Variants in ANKRD22 observed in about 807,000 individuals in gnomAD.
ANKRD22 encodes ankyrin repeat domain 22.
ANKRD22 carries 24 observed loss-of-function variants against 25.7 expected under a neutral mutation model. The observed-to-expected ratio is 0.93, with a 90% CI of 0.68 to 1.31. The LOEUF (loss-of-function observed/expected upper bound fraction) is 1.31. Among genes scored for constraint, ANKRD22 ranks in the 50% most tolerant of loss-of-function variants. The pLI is 0.00. For missense variants in ANKRD22, 214 were observed against 227.1 expected (o/e 0.94, Z 0.37); for synonymous variants, 84 against 84.3 (o/e 1.00, Z 0.02).
chr10:88,828,486 G>C, intron 3 of ANKRD22, 73 bp downstream of exon 3: 3 of 1,127,760 alleles, frequency 2.7e-6, no homozygotes, highest in Non-Finnish European at 3.9e-6. Flanking sequence ...ACATCTCACT[G>C]GCCTGGCAAG....
chr10:88,834,114 T>G (rs1203160033), intron 1 of ANKRD22, among the ~76,000 whole-genome samples: 1 of 152,230 alleles, frequency 6.6e-6, no homozygotes, highest in Non-Finnish European at 1.5e-5. Flanking sequence ...AACACAATAG[T>G]GCTTAAATAA....
chr10:88,825,007 TCTCTCACACA>T (rs917183733), intron 4 of ANKRD22, among the ~76,000 whole-genome samples: 16 of 115,444 alleles, frequency 1.4e-4, no homozygotes, highest in Non-Finnish European at 2.3e-4. Flanking sequence ...TCTCTCTCTC[TCTCTCACACA>T]CACACACACA....
intron 4 of ANKRD22, among the ~76,000 whole-genome samples, chr10:88,824,008 C>T (rs888979300): frequency 6.6e-6 from 1 of 152,138 alleles, no homozygotes; most frequent in African/African-American, 2.4e-5. Context: ...CGGTGATCAT[C>T]ACCTTGATCA....
intron 2 of ANKRD22, 28 bp downstream of exon 2, chr10:88,831,807 A>G (rs1367601280): frequency 6.4e-7 from 1 of 1,559,250 alleles, no homozygotes; most frequent in Admixed American, 2.0e-5. Context: ...ATGAACAATT[A>G]CACTCTCCAT....
At chr10:88,823,163 G>C (rs1420287131) in intron 5 of ANKRD22, 117 bp downstream of exon 5, 1 of 1,235,974 alleles carries the variant, frequency 8.1e-7, no homozygotes, top group Non-Finnish European at 1.2e-6. Context: ...TCCTTAATGA[G>C]GATGATTAAT....
chr10:88,826,560 A>T (rs1452257795), intron 3 of ANKRD22, among the ~76,000 whole-genome samples: 1 of 152,098 alleles, frequency 6.6e-6, no homozygotes, highest in Non-Finnish European at 1.5e-5. Flanking sequence ...CTCCTGGCTC[A>T]CTCTGTTCTA....
intron 2 of ANKRD22, among the ~76,000 whole-genome samples, chr10:88,831,298 T>G (rs1843900944): frequency 6.6e-6 from 1 of 152,234 alleles, no homozygotes; most frequent in Admixed American, 6.5e-5. Context: ...CATCTTTAAA[T>G]ATATTCTTTA....
At chr10:88,850,696 A>C (rs1844096608) in intron 1 of ANKRD22, among the ~76,000 whole-genome samples, 1 of 152,162 alleles carries the variant, frequency 6.6e-6, no homozygotes, top group Admixed American at 6.5e-5. Context: ...TGATCCCTTC[A>C]TGAGGCTAAA....
intron 1 of ANKRD22, among the ~76,000 whole-genome samples, chr10:88,845,055 C>T (rs1844035420): frequency 7.9e-6 from 1 of 126,970 alleles, no homozygotes; most frequent in Admixed American, 8.3e-5. Context: ...TTGTCTTGTC[C>T]TGTCCTCTTA....
rs1363078808 is a variant in ANKRD22, at chr10:88,847,625, A to G, written c.21+3962T>C. ...ACTGTCCAATTTATCCAAAAGCTTG[A>G]CTTTCTGTGTTATAAGTATACATAA... On this transcript the variant is annotated intron_variant, in intron 1 of 5. Transcript: ENST00000371930. Among the ~76,000 whole-genome samples the G allele has an allele frequency of 5.9e-5, 9 of 151,268 alleles. No individual in the cohort carries two copies. The East Asian group carries it at 1.7e-3, about 29-fold the overall frequency.
At chr10:88,829,317 G>C (rs953003458) in intron 2 of ANKRD22, among the ~76,000 whole-genome samples, 30 of 152,274 alleles carry the variant, frequency 2.0e-4, no homozygotes, top group African/African-American at 6.7e-4. Flanking sequence ...TAAGAGGAGA[G>C]GGAGCCCAAG....
In ANKRD22 at chr10:88,820,424, A is replaced by T. The variant is rs1012513764; in HGVS notation, c.*2517T>A. Reference sequence around the variant, plus strand: ...CTGGGGTTTGGATGCTCCTCACCGTATGTACAATGAAATCATCCATCTGAT... The same window carrying T: ...CTGGGGTTTGGATGCTCCTCACCGTTTGTACAATGAAATCATCCATCTGAT... On this transcript the variant is annotated 3_prime_UTR_variant, in exon 6 of 6. Transcript: ENST00000371930. The T allele has an allele frequency of 1.2e-5, 18 of 1,552,102 alleles. No homozygotes were observed. The highest frequency in any genetic ancestry group is 1.4e-5 in the Non-Finnish European group (16 of 1,147,036).
chr10:88,835,973 A>T (rs943114376), intron 1 of ANKRD22, among the ~76,000 whole-genome samples: 2 of 152,162 alleles, frequency 1.3e-5, no homozygotes, highest in African/African-American at 4.8e-5. Flanking sequence ...ATTTGGGGGC[A>T]CCCTGGGTGT....
chr10:88,851,598 G>A lies in ANKRD22; in HGVS notation c.10C>T (p.Leu4=), dbSNP rs755157651. ...GAAAGGTGATGTACCTCAGAGTATA[G>A]GATTCCCATGCTGGTCCTTCACAGG... MGI[L]YSEPICQAAY... The change falls in exon 1 of 6, where the codon CTA becomes TTA. Residue 4 remains leucine, a synonymous_variant. Transcript: ENST00000371930. The A allele has an allele frequency of 1.2e-6, 2 of 1,613,372 alleles. No individual in the cohort carries two copies. The highest frequency in any genetic ancestry group is 3.3e-5 in the Admixed American group (2 of 59,958).
At chr10:88,832,778 T>C (rs1432564058) in intron 1 of ANKRD22, among the ~76,000 whole-genome samples, 3 of 152,138 alleles carry the variant, frequency 2.0e-5, no homozygotes, top group East Asian at 1.9e-4. Flanking sequence ...GGGAGTTTAA[T>C]AGCAAGACTT....
rs1402524376 is a variant in ANKRD22 at position 88,845,811 on chromosome 10, G to T, written c.21+5776C>A. Among the ~76,000 whole-genome samples the T allele has an allele frequency of 2.0e-5, 3 of 152,014 alleles. 1 individual carries two copies. Among genetic ancestry groups the T allele is most frequent in the East Asian group, 3.9e-4 (2 of 5,184 alleles). ...TTTATTCTCCCATGCTACCAGAGTG[G>T]CCTTTTTAAACCCTAATGGTCATAT... On this transcript the variant is annotated intron_variant, in intron 1 of 5. Transcript: ENST00000371930.
Position 88,828,579 on chromosome 10 carries a change from GC to G in ANKRD22, c.300del (p.Ile102LeufsTer44). The G allele has an allele frequency of 6.2e-7, 1 of 1,607,754 alleles. No individual in the cohort carries two copies. Among genetic ancestry groups the G allele is most frequent in the South Asian group, 1.1e-5 (1 of 90,568 alleles). ...YLLIILLMPVLLIGYFLMVSK... is the reference protein window; with the variant it reads ...YLLIILLMPVXLIGYFLMVSK... ...CTCACCATGAGGAAATACCCAATAA[GC>G]AGAACAGGCATTAAGAGGATAATTA... On this transcript the variant is annotated frameshift_variant, in exon 3 of 6. Transcript: ENST00000371930. LOFTEE classifies it high-confidence loss of function.
chr10:88,822,830 C>T lies in ANKRD22; in HGVS notation c.*111G>A. 2 of 874,726 alleles carry T rather than the reference C, an allele frequency of 2.3e-6. No homozygotes were observed. The highest frequency in any genetic ancestry group is 3.7e-6 in the Non-Finnish European group (2 of 541,938). 54.2% of individuals were successfully genotyped at this position (874,726 alleles called of 1,614,324 possible). A position where few individuals can be genotyped will look rare whatever the true frequency, so the allele number is the denominator to read the frequency against. On this transcript the variant is annotated 3_prime_UTR_variant, in exon 6 of 6. Transcript: ENST00000371930. Reference sequence around the variant, plus strand: ...ATTAACCATGGTAAGCATCATTATCCCCATAAAATGGTGGCATCCAGGTTA... The same window carrying T: ...ATTAACCATGGTAAGCATCATTATCTCCATAAAATGGTGGCATCCAGGTTA...
rs1344264793 is a variant in ANKRD22, at chr10:88,826,039, C to G, written c.398G>C (p.Cys133Ser). The stretch of plus-strand genomic sequence containing the variant: ...AAATGGCTAAAAGTATAAACTTACA[C>G]AATCTGTAGCATTAACTTCGACGCC... Reference protein sequence around the residue: ...DAGVEVNATDCYGCTALHYAC... With the variant: ...DAGVEVNATDSYGCTALHYAC... The change falls in exon 4 of 6, where the codon TGT (cysteine) becomes TCT (serine). Residue 133 changes from cysteine to serine, a missense_variant and splice_region_variant. Transcript: ENST00000371930. 6.2e-7 allele frequency: 1 copy of G among 1,608,460 alleles called. No individual in the cohort carries two copies. Among genetic ancestry groups the G allele is most frequent in the Non-Finnish European group, 8.5e-7 (1 of 1,176,724 alleles).
Sources: allele counts gnomAD v4.1 joint callset (sites outside exome capture counted in the v4.1 genomes callset), GRCh38; gene constraint gnomAD v4.1.1; transcripts MANE v1.5; gene names NCBI Gene and HGNC (gene_info 2026-07-23, HGNC 2026-07-21).